PRIM2: variants seen among roughly 807,000 people sequenced by gnomAD.
PRIM2 encodes DNA primase large subunit.
PRIM2 carries 39 observed loss-of-function variants against 67.3 expected under a neutral mutation model. The ratio of observed to expected loss-of-function variants is 0.58; its 90% CI spans 0.45 to 0.76. PRIM2 has a LOEUF of 0.76. Among genes scored for constraint, PRIM2 ranks in the 30% least tolerant of loss-of-function variants. PRIM2 has a pLI of 0.00. For missense variants in PRIM2, 398 were observed against 598.7 expected, an observed-to-expected ratio of 0.66 and a Z score of 3.50; for synonymous variants, 143 against 198.7, an observed-to-expected ratio of 0.72 and a Z score of 2.36.
intron 7 of PRIM2, among the ~76,000 whole-genome samples, chr6:57,479,952 G>A (rs1352241061): frequency 4.6e-5 from 7 of 152,194 alleles, no homozygotes; most frequent in Admixed American, 2.6e-4. Context: ...CAGAGGAAAG[G>A]AGAGAGAATG....
chr6:57,445,229 G>A (rs1333569633), intron 7 of PRIM2, among the ~76,000 whole-genome samples: 1 of 152,192 alleles, frequency 6.6e-6, no homozygotes, highest in Non-Finnish European at 1.5e-5. Context: ...AAGGGATTCA[G>A]AATGATTCTA....
the PRIM2 span, among the ~76,000 whole-genome samples, chr6:57,233,597 T>TCCCCCCCCCCCCCCCCCCC: frequency 9.5e-6 from 1 of 104,772 alleles, no homozygotes; most frequent in Non-Finnish European, 1.9e-5. Context: ...CCTTCCCTCC[T>TCCCCCCCCCCCCCCCCCCC]CCCCCTCCCT....
chr6:57,460,377 G>A (rs1386094642), intron 7 of PRIM2, among the ~76,000 whole-genome samples: 1 of 152,080 alleles, frequency 6.6e-6, no homozygotes, highest in African/African-American at 2.4e-5. Flanking sequence ...TTAGGAATAT[G>A]CCTGAGTCTC....
At chr6:57,231,332 G>T in the PRIM2 span, among the ~76,000 whole-genome samples, 2 of 152,118 alleles carry the variant, frequency 1.3e-5, no homozygotes, top group Non-Finnish European at 2.9e-5. Flanking sequence ...TGGTAGGGAG[G>T]GGAAAGGGAT....
At chr6:57,492,721 T>C (rs1230607271) in intron 7 of PRIM2, among the ~76,000 whole-genome samples, 2 of 152,202 alleles carry the variant, frequency 1.3e-5, no homozygotes, top group Non-Finnish European at 1.5e-5. Flanking sequence ...TTTTATGGCA[T>C]ATCTCAATTT....
intron 5 of PRIM2, among the ~76,000 whole-genome samples, chr6:57,375,719 G>A (rs542639154): frequency 2.1e-5 from 3 of 145,260 alleles, no homozygotes; most frequent in Non-Finnish European, 4.5e-5. Flanking sequence ...GTGTGTGTCT[G>A]TAGTCCTATC....
At chr6:57,306,486 T>C in the PRIM2 span, among the ~76,000 whole-genome samples, 2 of 152,074 alleles carry the variant, frequency 1.3e-5, no homozygotes, top group Non-Finnish European at 2.9e-5. Flanking sequence ...AAAAAGGACC[T>C]TTGCATCCTG....
chr6:57,391,799 C>T (rs966671317), intron 7 of PRIM2, among the ~76,000 whole-genome samples: 3 of 152,032 alleles, frequency 2.0e-5, no homozygotes, highest in African/African-American at 7.2e-5. Flanking sequence ...TAGTGTGATG[C>T]CTCAAGCGTT....
chr6:57,639,036 A>G, intron 13 of PRIM2, among the ~76,000 whole-genome samples: 1 of 152,324 alleles, frequency 6.6e-6, no homozygotes, highest in East Asian at 1.9e-4. Context: ...ATGCAAAAGA[A>G]TGGAAATCTT....
chr6:57,372,291 G>A (rs1292562531), intron 5 of PRIM2, among the ~76,000 whole-genome samples: 3 of 152,174 alleles, frequency 2.0e-5, no homozygotes, highest in Non-Finnish European at 4.4e-5. Flanking sequence ...TTTGTTTGGA[G>A]ACCACATGGC....
intron 10 of PRIM2, among the ~76,000 whole-genome samples, chr6:57,583,056 C>T (rs1438156841): frequency 1.9e-4 from 28 of 149,296 alleles, no homozygotes; most frequent in African/African-American, 6.2e-4. Flanking sequence ...TTTGTCCTTG[C>T]GATGGTTTAC....
At chr6:57,244,269 G>A in the PRIM2 span, among the ~76,000 whole-genome samples, 1 of 152,122 alleles carries the variant, frequency 6.6e-6, no homozygotes. Context: ...TTTGTTTAAC[G>A]AAATGCACCT....
chr6:57,547,639 G>A (rs1373411809), intron 10 of PRIM2, among the ~76,000 whole-genome samples: 2 of 152,138 alleles, frequency 1.3e-5, no homozygotes, highest in African/African-American at 4.8e-5. Flanking sequence ...TGCTCATAGT[G>A]TTGTTATTCT....
chr6:57,382,010 C>T (rs775383170), intron 6 of PRIM2, 21 bp from the exon 7 acceptor site: 2 of 1,589,786 alleles, frequency 1.3e-6, no homozygotes, highest in Non-Finnish European at 8.6e-7. Context: ...ACTTATTTTG[C>T]CTGTTTTACT....
chr6:57,613,371 G>A, intron 12 of PRIM2, among the ~76,000 whole-genome samples: 1 of 151,134 alleles, frequency 6.6e-6, no homozygotes. Flanking sequence ...TTTTTTCCTT[G>A]GATACATTAC....
At chr6:57,325,277 CT>C (rs982681766) in intron 4 of PRIM2, among the ~76,000 whole-genome samples, 4 of 144,398 alleles carry the variant, frequency 2.8e-5, no homozygotes, top group African/African-American at 5.1e-5. Context: ...TCCCCATTTT[CT>C]TTTTTTTTTC....
In PRIM2 at chr6:57,380,099, A is replaced by G. The variant is rs957697409; in HGVS notation, c.555+103A>G. 6 of 897,098 alleles carry G rather than the reference A, an allele frequency of 6.7e-6. No individual in the cohort carries two copies. In the African/African-American group the frequency reaches 1.0e-4, roughly 15 times the overall value. 55.6% of individuals were successfully genotyped at this position (897,098 alleles called of 1,614,324 possible). A position where few individuals can be genotyped will look rare whatever the true frequency, so the allele number is the denominator to read the frequency against. ...CATTTTTATAGCCTCTCATCATCAC[A>G]GCTACTCTGTCTCCTGCACAGATAC... On this transcript the variant is annotated intron_variant, in intron 6 of 13. Transcript: ENST00000615550.
the PRIM2 span, among the ~76,000 whole-genome samples, chr6:57,269,854 G>T: frequency 6.6e-6 from 1 of 152,184 alleles, no homozygotes; most frequent in African/African-American, 2.4e-5. Context: ...CATATGGCTA[G>T]CCAGTTTTCC....
At chr6:57,358,435 T>C (rs1308672731) in intron 5 of PRIM2, among the ~76,000 whole-genome samples, 6 of 152,176 alleles carry the variant, frequency 3.9e-5, no homozygotes, top group Admixed American at 3.3e-4. Flanking sequence ...GGTGTATCTC[T>C]AAAGTTCAAA....
Sources: gnomAD v4.1 joint callset for allele counts (sites outside exome capture counted in the v4.1 genomes callset) on GRCh38, gnomAD v4.1.1 for gene constraint, MANE v1.5 for transcripts, NCBI Gene and HGNC (gene_info 2026-07-23, HGNC 2026-07-21) for gene names.